Variants in ADAMTS20 observed in about 807,000 individuals in gnomAD.
ADAMTS20 encodes the protein A disintegrin and metalloproteinase with thrombospondin motifs 20.
In ADAMTS20, 225 loss-of-function variants were observed where a neutral mutation model predicts 260.1. The ratio of observed to expected loss-of-function variants is 0.87; its 90% CI spans 0.78 to 0.97. ADAMTS20 has a LOEUF of 0.97. Among genes scored for constraint, ADAMTS20 ranks in the 50% least tolerant of loss-of-function variants. The pLI, the probability that ADAMTS20 is intolerant of heterozygous loss-of-function variation, is 0.00. For synonymous variants in ADAMTS20, 802 were observed against 769.5 expected (o/e 1.04, Z -0.70); for missense variants, 2,400 against 2,337.7 (o/e 1.03, Z -0.55).
chr12:43,428,691 C>A lies in ADAMTS20; in HGVS notation c.3598G>T (p.Glu1200Ter). 6.2e-7 allele frequency: 1 copy of A among 1,611,684 alleles called. No individual in the cohort carries two copies. The highest frequency in any genetic ancestry group is 1.1e-5 in the South Asian group (1 of 90,852). ...CAAGGGGTAAAACAGTCCCATATTT[C>A]AGCAGGTCGGGGTAAGTGGGCACAA... is the stretch of plus-strand genomic sequence containing the variant. ...SYCAHLPRPA[E>*]IWDCFTPCGE... The change falls in exon 25 of 39, where the codon GAA becomes TAA. Residue 1200 changes from glutamate (E) to a stop codon, truncating the protein, a stop_gained. Transcript: ENST00000389420. LOFTEE classifies it high-confidence loss of function.
chr12:43,499,333 G>C (rs1942722873), intron 4 of ADAMTS20, among the ~76,000 whole-genome samples: 4 of 152,156 alleles, frequency 2.6e-5, no homozygotes, highest in Admixed American at 2.6e-4. Flanking sequence ...GCATTGGTCT[G>C]TTGTTTCAAG....
chr12:43,388,306 C>T (rs1293220718), intron 29 of ADAMTS20, among the ~76,000 whole-genome samples: 28 of 152,276 alleles, frequency 1.8e-4, no homozygotes, highest in Non-Finnish European at 7.4e-5. Flanking sequence ...TTGTGCTTCC[C>T]AGGTGAGGCA....
rs190325956 is a variant in ADAMTS20, at chr12:43,517,212, C to T, written c.614-14807G>A. On this transcript the variant is annotated intron_variant, in intron 3 of 38. Transcript: ENST00000389420. ...GGACAGTTCTAGAAAAACTAGCCAA[C>T]GTAACAAAACAAGAAAAATAAATAA... 3.1e-3 allele frequency among the ~76,000 whole-genome samples: 468 copies of T among 151,610 alleles called. 2 individuals are homozygous for T. The highest frequency in any genetic ancestry group is 0.01 in the African/African-American group (428 of 41,384).
intron 4 of ADAMTS20, among the ~76,000 whole-genome samples, chr12:43,495,611 T>C (rs1056056227): frequency 5.3e-5 from 8 of 152,194 alleles, no homozygotes; most frequent in South Asian, 2.1e-4. Context: ...AAAAGCATGA[T>C]TGCTTTATTA....
intron 29 of ADAMTS20, among the ~76,000 whole-genome samples, chr12:43,396,639 A>G (rs1940709739): frequency 6.6e-6 from 1 of 152,200 alleles, no homozygotes. Flanking sequence ...CAAGCAAATT[A>G]TATAAAAAAG....
intron 4 of ADAMTS20, among the ~76,000 whole-genome samples, chr12:43,494,853 A>T (rs1942654570): frequency 1.3e-5 from 2 of 152,234 alleles, no homozygotes; most frequent in African/African-American, 2.4e-5. Context: ...TTAAAAGTGG[A>T]TGCTTTTCTA....
chr12:43,494,778 C>T (rs1942652809), intron 4 of ADAMTS20, among the ~76,000 whole-genome samples: 1 of 152,040 alleles, frequency 6.6e-6, no homozygotes, highest in Admixed American at 6.6e-5. Context: ...TAAAATACAT[C>T]TACCATGGAG....
chr12:43,374,661 A>G (rs966243160), intron 36 of ADAMTS20, among the ~76,000 whole-genome samples: 1 of 152,228 alleles, frequency 6.6e-6, no homozygotes, highest in Admixed American at 6.5e-5. Context: ...CTAATACAAG[A>G]GTGTTAAAAA....
chr12:43,398,950 G>T, intron 29 of ADAMTS20, 116 bp downstream of exon 29: 2 of 642,718 alleles, frequency 3.1e-6, no homozygotes, highest in Non-Finnish European at 4.5e-6. Flanking sequence ...GTGCAAAAAA[G>T]TATATAACAA....
Position 43,478,002 on chromosome 12 carries a change from A to G in ADAMTS20, c.1118-9297T>C, listed in dbSNP as rs78532702. ...ATTAAATAAATATAAGCTCAAAATC[A>G]AAGACCATCAAACAAACAAATAAAT... On this transcript the variant is annotated intron_variant, in intron 7 of 38. Coordinates refer to ENST00000389420, the MANE Select transcript of ADAMTS20 (RefSeq NM_025003.5). Among the ~76,000 whole-genome samples the G allele has an allele frequency of 6.9e-3, 1,048 of 152,280 alleles. 18 individuals carry two copies. Among genetic ancestry groups the G allele is most frequent in the African/African-American group, 0.024 (983 of 41,570 alleles).
At chr12:43,532,627 A>C (rs1251222521) in intron 2 of ADAMTS20, among the ~76,000 whole-genome samples, 11 of 121,502 alleles carry the variant, frequency 9.1e-5, no homozygotes, top group African/African-American at 3.1e-4. Flanking sequence ...ATATGTATAC[A>C]TGTGCCATGC....
In ADAMTS20 at chr12:43,502,317, T is replaced by G; in HGVS notation, c.702A>C (p.Gly234=). ...TCAATGGTACATTTTTTGATGTGTGTCCTAAAACTCTTTCTTTCATTACAT... is the reference window on the plus strand; with the variant it reads ...TCAATGGTACATTTTTTGATGTGTGGCCTAAAACTCTTTCTTTCATTACAT... ...DLNVMKERVL[G]HTSKNVPLKD... is the part of the protein sequence containing the mutation. The change falls in exon 4 of 39, where the codon GGA becomes GGC. Residue 234 remains glycine, a synonymous_variant. Transcript: ENST00000389420. 2.5e-6 allele frequency: 4 copies of G among 1,611,560 alleles called. No homozygotes were observed. The highest frequency in any genetic ancestry group is 2.5e-6 in the Non-Finnish European group (3 of 1,179,148).
Position 43,448,018 on chromosome 12 carries a change from T to C in ADAMTS20, c.2080-1306A>G, listed in dbSNP as rs116801021. ...ACACAAACAAATGAAAAATACTCTA[T>C]GCTTATGGATAGGAAGAATCAATAT... On this transcript the variant is annotated intron_variant, in intron 14 of 38. Transcript: ENST00000389420. Among the ~76,000 whole-genome samples the C allele has an allele frequency of 8.6e-3, 1,316 of 152,278 alleles. 21 individuals are homozygous for C. The highest frequency in any genetic ancestry group is 0.03 in the African/African-American group (1,252 of 41,566).
intron 3 of ADAMTS20, among the ~76,000 whole-genome samples, chr12:43,509,625 A>T (rs562697423): frequency 5.3e-5 from 8 of 152,266 alleles, no homozygotes; most frequent in Admixed American, 3.3e-4. Context: ...ACGTAAGAAG[A>T]AGAAAGCAAG....
rs1322774801 is a variant in ADAMTS20, at chr12:43,438,769, C to A, written c.2593+853G>T. On this transcript the variant is annotated intron_variant, in intron 18 of 38. Coordinates refer to ENST00000389420, the MANE Select transcript of ADAMTS20 (RefSeq NM_025003.5). The stretch of plus-strand genomic sequence containing the variant: ...TCCTGCCCTAATTCCCAAGCTATTT[C>A]TCTATTCTTCATGAAAACTTTTCTT... Among the ~76,000 whole-genome samples the A allele has an allele frequency of 5.3e-5, 8 of 152,290 alleles. No homozygotes were observed. In the South Asian group the frequency reaches 1.7e-3, roughly 32 times the overall value.
intron 14 of ADAMTS20, among the ~76,000 whole-genome samples, chr12:43,448,801 A>AG (rs931326307): frequency 1.5e-4 from 23 of 152,162 alleles, no homozygotes; most frequent in African/African-American, 5.3e-4. Flanking sequence ...AGAAAAAAAA[A>AG]CAATCCCATT....
At chr12:43,460,898 T>TA (rs78392221) in intron 11 of ADAMTS20, among the ~76,000 whole-genome samples, 10,222 of 135,838 alleles carry the variant, frequency 0.075, 794 homozygotes, top group East Asian at 0.46. Context: ...TCTCTGGAAA[T>TA]AAAAATCAGA....
At chr12:43,497,093 T>C (rs1942688200) in intron 4 of ADAMTS20, among the ~76,000 whole-genome samples, 2 of 152,194 alleles carry the variant, frequency 1.3e-5, no homozygotes, top group African/African-American at 4.8e-5. Context: ...TATTCGAATT[T>C]TTATTGATCT....
intron 37 of ADAMTS20, among the ~76,000 whole-genome samples, chr12:43,358,633 T>C (rs1939797642): frequency 6.6e-6 from 1 of 151,514 alleles, no homozygotes; most frequent in Non-Finnish European, 1.5e-5. Flanking sequence ...GGTCAGGAGA[T>C]CGAGACCATC....
Sources: gnomAD v4.1 joint callset for allele counts (sites outside exome capture counted in the v4.1 genomes callset) on GRCh38, gnomAD v4.1.1 for gene constraint, MANE v1.5 for transcripts, NCBI Gene and HGNC (gene_info 2026-07-23, HGNC 2026-07-21) for gene names.